Variants in GABRG3 observed in about 807,000 individuals in gnomAD.
The protein encoded by GABRG3 is gamma-aminobutyric acid receptor subunit gamma-3.
GABRG3 carries 25 observed loss-of-function variants against 48.8 expected under a neutral mutation model. The observed-to-expected ratio is 0.51, with a 90% CI of 0.37 to 0.72. The LOEUF is 0.72. Ranked by LOEUF, GABRG3 falls within the 30% of genes least tolerant of loss-of-function variation. The probability of loss-of-function intolerance (pLI) is 0.00; values close to 1 mark genes in which losing one functional copy is unlikely to be tolerated. For synonymous variants in GABRG3, 227 were observed against 217.6 expected (o/e 1.04, Z -0.38); for missense variants, 394 against 577.9 (o/e 0.68, Z 3.26).
chr15:27,433,859 T>G (rs1888529400), intron 5 of GABRG3, among the ~76,000 whole-genome samples: 2 of 152,180 alleles, frequency 1.3e-5, no homozygotes, highest in Non-Finnish European at 2.9e-5. Flanking sequence ...TCAAACTTTC[T>G]GAAAAAGGTG....
chr15:27,255,809 G>A (rs1436675273), intron 3 of GABRG3, among the ~76,000 whole-genome samples: 1 of 152,170 alleles, frequency 6.6e-6, no homozygotes, highest in Non-Finnish European at 1.5e-5. Flanking sequence ...AGGGTGGGCA[G>A]GTTCTGGGGA....
chr15:27,533,026 A>T lies in GABRG3; in HGVS notation c.*145A>T. On this transcript the variant is annotated 3_prime_UTR_variant, in exon 10 of 10. Coordinates refer to ENST00000615808, the MANE Select transcript of GABRG3 (RefSeq NM_033223.5). ...TAAATGACCTTTCAGCAACACAGGA[A>T]GTACCCAGCAAAGGTTTCTATTATG... The T allele has an allele frequency of 1.5e-6, 1 of 684,190 alleles. No homozygotes were observed. The highest frequency in any genetic ancestry group is 2.4e-6 in the Non-Finnish European group (1 of 412,652). 42.4% of individuals were successfully genotyped at this position (684,190 alleles called of 1,614,324 possible).
In GABRG3 at chr15:26,971,259, G is replaced by T. The variant is rs1454784405; in HGVS notation, c.-277G>T. The T allele has an allele frequency of 6.6e-6, 1 of 152,464 alleles. No homozygotes were observed. The highest frequency in any genetic ancestry group is 1.4e-5 in the Non-Finnish European group (1 of 69,100). The allele number at this position is 152,464 out of a possible 1,614,324, so 9.4% of individuals were successfully genotyped here. A position where few individuals can be genotyped will look rare whatever the true frequency, so the allele number is the denominator to read the frequency against. ...CGGGGTGGGCGGCGCCGCGCCAGGGGGTCCCCGGCGCCCATTGCTCCCGCC... is the reference window on the plus strand; with the variant it reads ...CGGGGTGGGCGGCGCCGCGCCAGGGTGTCCCCGGCGCCCATTGCTCCCGCC... On this transcript the variant is annotated 5_prime_UTR_variant, in exon 1 of 10. Transcript: ENST00000615808.
At chr15:27,461,748 TAGACAGAAAAATTCGCCAAGTCCCCGCC>T (rs1412263177) in intron 5 of GABRG3, among the ~76,000 whole-genome samples, 2 of 152,178 alleles carry the variant, frequency 1.3e-5, no homozygotes, top group Non-Finnish European at 2.9e-5. Context: ...AACCTTTAGC[TAGACAGAAAAATTCGCCAAGTCCCCGCC>T]AGACCCATAA....
intron 6 of GABRG3, among the ~76,000 whole-genome samples, chr15:27,489,784 T>C (rs1890305554): frequency 6.6e-6 from 1 of 152,214 alleles, no homozygotes; most frequent in Admixed American, 6.5e-5. Flanking sequence ...CTCTGTCAGA[T>C]GGATAGATTG....
chr15:27,146,171 C>A (rs192018481), intron 3 of GABRG3, among the ~76,000 whole-genome samples: 1 of 152,268 alleles, frequency 6.6e-6, no homozygotes, highest in African/African-American at 2.4e-5. Context: ...TAAGAAATAA[C>A]CTGCCAGGCA....
At chr15:27,300,288 A>T (rs1165600608) in intron 3 of GABRG3, among the ~76,000 whole-genome samples, 1 of 152,194 alleles carries the variant, frequency 6.6e-6, no homozygotes, top group South Asian at 2.1e-4. Context: ...TTCAACTCCT[A>T]TGAGAACAGA....
chr15:27,405,317 GAT>G (rs1191219823), intron 5 of GABRG3, among the ~76,000 whole-genome samples: 1 of 152,166 alleles, frequency 6.6e-6, no homozygotes, highest in Non-Finnish European at 1.5e-5. Flanking sequence ...AGTAGATAAT[GAT>G]ATGTTGCTCA....
chr15:27,484,646 G>A (rs1890178252), intron 6 of GABRG3, among the ~76,000 whole-genome samples: 1 of 152,094 alleles, frequency 6.6e-6, no homozygotes, highest in African/African-American at 2.4e-5. Flanking sequence ...TTGGAGAAGT[G>A]GCAGATTGTG....
chr15:27,032,147 T>C (rs551614679), intron 3 of GABRG3, among the ~76,000 whole-genome samples: 1 of 152,308 alleles, frequency 6.6e-6, no homozygotes, highest in East Asian at 1.9e-4. Context: ...TTCATCTCTG[T>C]TCTGTGATGT....
intron 3 of GABRG3, among the ~76,000 whole-genome samples, chr15:27,084,120 A>G (rs374401154): frequency 2.6e-5 from 4 of 152,308 alleles, no homozygotes; most frequent in East Asian, 3.9e-4. Context: ...TCTTGCCTCA[A>G]CCACTTTGCT....
rs1022968875 is a variant in GABRG3 at position 27,328,998 on chromosome 15, G to T, written c.574+110G>T. On this transcript the variant is annotated intron_variant, in intron 5 of 9. Coordinates refer to ENST00000615808, the MANE Select transcript of GABRG3 (RefSeq NM_033223.5). Reference sequence around the variant, plus strand: ...TGATCACAGTGTCCCTGCACACACAGAGAAAACTGATGATGGTTTCAGTAT... The same window carrying T: ...TGATCACAGTGTCCCTGCACACACATAGAAAACTGATGATGGTTTCAGTAT... 3 of 893,168 alleles carry T rather than the reference G, an allele frequency of 3.4e-6. No homozygotes were observed. In the African/African-American group the frequency reaches 5.0e-5, roughly 15 times the overall value. 55.3% of individuals were successfully genotyped at this position (893,168 alleles called of 1,614,324 possible).
chr15:27,522,167 C>A (rs1476126752), intron 7 of GABRG3, among the ~76,000 whole-genome samples: 3 of 151,890 alleles, frequency 2.0e-5, no homozygotes. Flanking sequence ...CTGACTGATT[C>A]TTCATGTGCA....
chr15:27,017,481 C>A (rs1895801669), intron 2 of GABRG3, among the ~76,000 whole-genome samples: 1 of 152,158 alleles, frequency 6.6e-6, no homozygotes, highest in Non-Finnish European at 1.5e-5. Flanking sequence ...TTCATTGCCT[C>A]TGTTGTGAGT....
At chr15:27,223,332 G>A (rs1459131514) in intron 3 of GABRG3, among the ~76,000 whole-genome samples, 5 of 152,310 alleles carry the variant, frequency 3.3e-5, no homozygotes, top group Middle Eastern at 3.4e-3. Flanking sequence ...AAAGCCAATC[G>A]CTGAGACAAG....
chr15:27,194,881 G>A (rs905815176), intron 3 of GABRG3, among the ~76,000 whole-genome samples: 2 of 152,012 alleles, frequency 1.3e-5, no homozygotes, highest in African/African-American at 4.8e-5. Flanking sequence ...CCAAAATTCT[G>A]ACAGTATAAA....
At chr15:27,342,401 GTCTC>G (rs764492861) in intron 5 of GABRG3, among the ~76,000 whole-genome samples, 8 of 152,188 alleles carry the variant, frequency 5.3e-5, no homozygotes, top group Non-Finnish European at 7.3e-5. Flanking sequence ...CCCAGCCTGT[GTCTC>G]TGGCTGCTGC....
At chr15:27,406,205 A>G (rs1438805978) in intron 5 of GABRG3, among the ~76,000 whole-genome samples, 1 of 149,514 alleles carries the variant, frequency 6.7e-6, no homozygotes, top group Non-Finnish European at 1.5e-5. Flanking sequence ...ATAATGATTG[A>G]ACATATAAAT....
intron 6 of GABRG3, chr15:27,481,260 A>G (rs1595783789): frequency 1.0e-6 from 1 of 955,624 alleles, no homozygotes; most frequent in East Asian, 1.1e-4. Context: ...TTACCTACCA[A>G]TTTGATTTTA....
Sources: allele counts gnomAD v4.1 joint callset (sites outside exome capture counted in the v4.1 genomes callset), GRCh38; gene constraint gnomAD v4.1.1; transcripts MANE v1.5; gene names NCBI Gene and HGNC (gene_info 2026-07-23, HGNC 2026-07-21).